The following CDH13 variants were observed in gnomAD, a reference collection of about 807,000 sequenced individuals.
CDH13 encodes the protein cadherin-13.
CDH13 carries 24 observed loss-of-function variants against 63.8 expected under a neutral mutation model. The ratio of observed to expected loss-of-function variants is 0.38; its 90% CI spans 0.27 to 0.53. The LOEUF (loss-of-function observed/expected upper bound fraction) is 0.53, where lower values mean the gene tolerates loss of function less well. Ranked by LOEUF, CDH13 falls within the 20% of genes least tolerant of loss-of-function variation. The pLI, the probability that CDH13 is intolerant of heterozygous loss-of-function variation, is 0.85. For synonymous variants in CDH13, 503 were observed against 355.3 expected (o/e 1.42, Z -4.67); for missense variants, 1,049 against 903.1 (o/e 1.16, Z -2.07).
At chr16:83,550,159 G>A (rs576007691) in intron 7 of CDH13, among the ~76,000 whole-genome samples, 7 of 152,340 alleles carry the variant, frequency 4.6e-5, no homozygotes, top group African/African-American at 1.2e-4. Flanking sequence ...ATTCTCCAAC[G>A]TGGCTGTGTG....
chr16:82,688,452 C>T (rs1166981650), intron 1 of CDH13, among the ~76,000 whole-genome samples: 1 of 152,216 alleles, frequency 6.6e-6, no homozygotes, highest in Non-Finnish European at 1.5e-5. Context: ...CAAGTTCAGC[C>T]CTGGTCATCA....
chr16:83,709,379 A>G (rs772164878), intron 10 of CDH13, among the ~76,000 whole-genome samples: 5 of 152,206 alleles, frequency 3.3e-5, no homozygotes, highest in African/African-American at 1.2e-4. Flanking sequence ...CCAATCTATG[A>G]GGGTTCCCCC....
intron 2 of CDH13, among the ~76,000 whole-genome samples, chr16:82,960,940 G>T (rs959639184): frequency 6.6e-6 from 1 of 152,118 alleles, no homozygotes; most frequent in South Asian, 2.1e-4. Flanking sequence ...GGGTAAAAAG[G>T]GTAATACAAA....
intron 4 of CDH13, among the ~76,000 whole-genome samples, chr16:83,210,026 C>T (rs1486085631): frequency 1.3e-5 from 2 of 151,984 alleles, no homozygotes; most frequent in East Asian, 3.9e-4. Flanking sequence ...GAGATTTTAC[C>T]CTCTGGCAGA....
chr16:82,800,960 A>AG (rs2036826915), intron 1 of CDH13, among the ~76,000 whole-genome samples: 1 of 152,150 alleles, frequency 6.6e-6, no homozygotes, highest in East Asian at 1.9e-4. Context: ...CTAAACAAGG[A>AG]GAAAAAAAGG....
intron 2 of CDH13, chr16:82,884,075 G>A: frequency 2.4e-6 from 1 of 410,190 alleles, no homozygotes; most frequent in East Asian, 7.2e-5. Context: ...CAATAATGAA[G>A]TGCCATGTAG....
At chr16:82,716,711 C>T (rs555213594) in intron 1 of CDH13, among the ~76,000 whole-genome samples, 21 of 150,976 alleles carry the variant, frequency 1.4e-4, no homozygotes, top group Non-Finnish European at 2.4e-4. Context: ...TAGTTGCCTG[C>T]ACAGGTTTCT....
chr16:83,611,529 G>T (rs1195502992), intron 8 of CDH13, among the ~76,000 whole-genome samples: 2 of 151,412 alleles, frequency 1.3e-5, no homozygotes, highest in Non-Finnish European at 3.0e-5. Context: ...TCTATTGGGT[G>T]TTTCTTTGTT....
intron 10 of CDH13, among the ~76,000 whole-genome samples, chr16:83,685,760 C>A (rs1255212058): frequency 1.3e-5 from 2 of 152,206 alleles, no homozygotes; most frequent in African/African-American, 4.8e-5. Context: ...ATTGCTTCTT[C>A]CCCTGCACCA....
chr16:83,643,818 A>T (rs534200720), intron 8 of CDH13, among the ~76,000 whole-genome samples: 9 of 152,304 alleles, frequency 5.9e-5, no homozygotes, highest in African/African-American at 1.9e-4. Context: ...AATGTCAAAC[A>T]TGTCAACAGC....
At chr16:83,056,376 C>G (rs950604113) in intron 3 of CDH13, among the ~76,000 whole-genome samples, 3 of 151,008 alleles carry the variant, frequency 2.0e-5, no homozygotes, top group Non-Finnish European at 4.4e-5. Flanking sequence ...TTTGTAATAG[C>G]TAAAAACTGG....
intron 11 of CDH13, among the ~76,000 whole-genome samples, chr16:83,765,672 A>G (rs1043726104): frequency 6.6e-6 from 1 of 152,244 alleles, no homozygotes; most frequent in African/African-American, 2.4e-5. Context: ...CTCAGCTTAT[A>G]GAGCTGATTT....
intron 7 of CDH13, among the ~76,000 whole-genome samples, chr16:83,545,800 G>A (rs923185773): frequency 2.6e-5 from 4 of 152,072 alleles, no homozygotes; most frequent in African/African-American, 4.8e-5. Context: ...CTTCAAGACC[G>A]CATTCAAATA....
rs1366338144 is a variant in CDH13, at chr16:83,795,834, C to G, written c.*804C>G. Reference sequence around the variant, plus strand: ...CACCAACCTGCATTTGTATGTGTCCCGAATCCACAGTCGTACTGATTCTAA... The same window carrying G: ...CACCAACCTGCATTTGTATGTGTCCGGAATCCACAGTCGTACTGATTCTAA... On this transcript the variant is annotated 3_prime_UTR_variant, in exon 14 of 14. Coordinates refer to ENST00000567109, the MANE Select transcript of CDH13 (RefSeq NM_001257.5). The G allele has an allele frequency of 2.0e-5, 3 of 152,580 alleles. No individual in the cohort carries two copies. In the South Asian group the frequency reaches 6.2e-4, roughly 32 times the overall value. The allele number at this position is 152,580 out of a possible 1,614,324, so 9.5% of individuals were successfully genotyped here.
chr16:82,920,918 A>G (rs901921636), intron 2 of CDH13, among the ~76,000 whole-genome samples: 3 of 152,212 alleles, frequency 2.0e-5, no homozygotes, highest in African/African-American at 7.2e-5. Flanking sequence ...TCAATTTCAA[A>G]TTTGTTAAAA....
chr16:82,812,923 TTTA>T (rs1344715374), intron 1 of CDH13, among the ~76,000 whole-genome samples: 2 of 152,006 alleles, frequency 1.3e-5, no homozygotes, highest in Non-Finnish European at 2.9e-5. Context: ...AGAGAAGGGA[TTTA>T]TGATGGCATA....
At chr16:83,455,228 T>G (rs1208743706) in intron 6 of CDH13, among the ~76,000 whole-genome samples, 1 of 152,184 alleles carries the variant, frequency 6.6e-6, no homozygotes, top group Non-Finnish European at 1.5e-5. Flanking sequence ...ACAATACAAC[T>G]TGGACCATGT....
At chr16:82,928,037 T>C (rs765931400) in intron 2 of CDH13, among the ~76,000 whole-genome samples, 40 of 152,184 alleles carry the variant, frequency 2.6e-4, no homozygotes, top group South Asian at 8.3e-4. Context: ...TTTCATGCAT[T>C]GTGATGGGGA....
chr16:83,419,992 C>G (rs1045999932), intron 6 of CDH13, among the ~76,000 whole-genome samples: 1 of 151,170 alleles, frequency 6.6e-6, no homozygotes, highest in East Asian at 1.9e-4. Context: ...CTTGAGAGAA[C>G]TGATTAACTC....
Sources: gnomAD v4.1 joint callset for allele counts (sites outside exome capture counted in the v4.1 genomes callset) on GRCh38, gnomAD v4.1.1 for gene constraint, MANE v1.5 for transcripts, NCBI Gene and HGNC (gene_info 2026-07-23, HGNC 2026-07-21) for gene names.